The following SLC2A9 variants were observed in gnomAD, a reference collection of about 807,000 sequenced individuals.
SLC2A9 encodes solute carrier family 2, facilitated glucose transporter member 9.
SLC2A9 carries 39 observed loss-of-function variants against 50.6 expected under a neutral mutation model. The ratio of observed to expected loss-of-function variants is 0.77; its 90% CI spans 0.60 to 1.01. The LOEUF is 1.01. Among genes scored for constraint, SLC2A9 ranks in the 50% least tolerant of loss-of-function variants. The pLI, the probability that SLC2A9 is intolerant of heterozygous loss-of-function variation, is 0.00. For missense variants in SLC2A9, 686 were observed against 677.6 expected, an observed-to-expected ratio of 1.01 and a Z score of -0.14; for synonymous variants, 324 against 276.9, an observed-to-expected ratio of 1.17 and a Z score of -1.69.
At chr4:9,777,977 G>A (rs1318796879), downstream of SLC2A9, among the ~76,000 whole-genome samples, 1 of 152,180 alleles carries the variant, frequency 6.6e-6, no homozygotes, top group Non-Finnish European at 1.5e-5. Context: ...GCAGTCTCAT[G>A]TTCAGTAGAC....
At chr4:9,983,821 A>G (rs7660895) in intron 4 of SLC2A9, among the ~76,000 whole-genome samples, 102,834 of 152,128 alleles carry the variant, frequency 0.68, 35,248 homozygotes, top group Non-Finnish European at 0.74. Context: ...GTTTTTAAAT[A>G]CATCAAACCT....
intron 10 of SLC2A9, among the ~76,000 whole-genome samples, chr4:9,843,331 T>C (rs986194603): frequency 6.6e-6 from 1 of 152,122 alleles, no homozygotes; most frequent in Non-Finnish European, 1.5e-5. Flanking sequence ...ATAACAACAG[T>C]GAAGAAAATG....
At position 9,826,614 on chromosome 4, in the gene SLC2A9, G is replaced by A. The variant is rs1725173788; in HGVS notation, c.1420-14C>T. The A allele has an allele frequency of 6.2e-7, 1 of 1,612,512 alleles. No individual in the cohort carries two copies. Among genetic ancestry groups the A allele is most frequent in the Admixed American group, 1.7e-5 (1 of 59,978 alleles). On this transcript the variant is annotated splice_polypyrimidine_tract_variant and intron_variant, in intron 11 of 11. Coordinates refer to ENST00000264784, the MANE Select transcript of SLC2A9 (RefSeq NM_020041.3). ...GTCCAGACTTTTCTGTGGAAAGGCA[G>A]AGACAAAAACCCTCAAATAGATAAT...
At chr4:9,791,012 G>C (rs1474166877) in intron 3 of SLC2A9, among the ~76,000 whole-genome samples, 1 of 152,168 alleles carries the variant, frequency 6.6e-6, no homozygotes, top group Non-Finnish European at 1.5e-5. Flanking sequence ...TATAGTCTTT[G>C]TGGTTGATGG....
chr4:9,955,109 G>A (rs1434353627), intron 5 of SLC2A9, among the ~76,000 whole-genome samples: 1 of 152,174 alleles, frequency 6.6e-6, no homozygotes, highest in Admixed American at 6.5e-5. Flanking sequence ...CCCCTCCTAA[G>A]TGCTGGCAGG....
intron 5 of SLC2A9, among the ~76,000 whole-genome samples, chr4:9,975,735 T>A (rs1037324132): frequency 6.6e-6 from 1 of 152,182 alleles, no homozygotes; most frequent in Non-Finnish European, 1.5e-5. Flanking sequence ...GACCCAGCAA[T>A]CCCATTATTG....
chr4:9,983,879 T>C (rs1756288443), intron 4 of SLC2A9, among the ~76,000 whole-genome samples: 3 of 152,186 alleles, frequency 2.0e-5, no homozygotes, highest in Admixed American at 2.0e-4. Flanking sequence ...AGTGAGAGCA[T>C]TCAGGCAGTC....
At chr4:10,039,671 G>A (rs978523886) in intron 1 of SLC2A9, among the ~76,000 whole-genome samples, 1 of 152,114 alleles carries the variant, frequency 6.6e-6, no homozygotes, top group African/African-American at 2.4e-5. Context: ...CCTGGTCCAA[G>A]CCCTTGTCTT....
intron 7 of SLC2A9, among the ~76,000 whole-genome samples, chr4:9,916,726 C>G (rs949764430): frequency 3.9e-5 from 6 of 152,124 alleles, no homozygotes; most frequent in Non-Finnish European, 8.8e-5. Flanking sequence ...AGGGTCATCC[C>G]AAGTAGATAA....
intron 6 of SLC2A9, among the ~76,000 whole-genome samples, chr4:9,930,868 T>C (rs891362813): frequency 5.9e-5 from 9 of 152,136 alleles, no homozygotes; most frequent in Admixed American, 2.6e-4. Context: ...TGACCACCTG[T>C]CAATCATATT....
intron 11 of SLC2A9, 114 bp from the exon 12 acceptor site, chr4:9,826,714 A>G: frequency 1.1e-6 from 1 of 937,010 alleles, no homozygotes; most frequent in Non-Finnish European, 1.7e-6. Context: ...ATACTCCTAG[A>G]CAAAACACCA....
intron 3 of SLC2A9, among the ~76,000 whole-genome samples, chr4:9,811,105 C>T (rs1722832629): frequency 6.6e-6 from 1 of 151,926 alleles, no homozygotes; most frequent in Non-Finnish European, 1.5e-5. Flanking sequence ...CCAAGCTGGC[C>T]AATCAGAGGA....
At chr4:10,010,278 A>G (rs906690005) in intron 2 of SLC2A9, among the ~76,000 whole-genome samples, 1 of 152,192 alleles carries the variant, frequency 6.6e-6, no homozygotes, top group Non-Finnish European at 1.5e-5. Flanking sequence ...AGAACACCAG[A>G]GCTGGAATCC....
At chr4:9,930,919 G>A (rs1209412804) in intron 6 of SLC2A9, among the ~76,000 whole-genome samples, 3 of 152,178 alleles carry the variant, frequency 2.0e-5, no homozygotes, top group African/African-American at 7.2e-5. Context: ...ATGAACAACA[G>A]GGTCTCTAAA....
At chr4:9,998,732 G>A (rs78002041) in intron 2 of SLC2A9, among the ~76,000 whole-genome samples, 1,580 of 152,310 alleles carry the variant, frequency 0.01, 18 homozygotes, top group Admixed American at 0.015. Flanking sequence ...AATAACTCCA[G>A]ACGAGAAACA....
At position 9,900,407 on chromosome 4, in the gene SLC2A9, T is replaced by A. The variant is rs559901083; in HGVS notation, c.1113+7828A>T. On this transcript the variant is annotated intron_variant, in intron 8 of 11. Coordinates refer to ENST00000264784, the MANE Select transcript of SLC2A9 (RefSeq NM_020041.3). ...AGGGTGAGCTGCAGGAACGGACTTGTGGGTATGTCCTTGGCCAAACTCAAA... is the reference window on the plus strand; with the variant it reads ...AGGGTGAGCTGCAGGAACGGACTTGAGGGTATGTCCTTGGCCAAACTCAAA... Among the ~76,000 whole-genome samples, 27 of 151,696 alleles carry A rather than the reference T, an allele frequency of 1.8e-4. No homozygotes were observed. In the South Asian group the frequency reaches 5.2e-3, roughly 29 times the overall value.
Position 9,985,651 on chromosome 4 carries a change from G to A in SLC2A9, c.535+18C>T, listed in dbSNP as rs558959337. 80 of 1,613,890 alleles carry A rather than the reference G, an allele frequency of 5.0e-5. No individual in the cohort carries two copies. Among genetic ancestry groups the A allele is most frequent in the Admixed American group, 1.2e-4 (7 of 60,002 alleles). ...AGGAGTATGTTACTGTTCCCTCCCC[G>A]TCATGGTGAACTCTCACCTCCATCT... On this transcript the variant is annotated intron_variant, in intron 4 of 11. Coordinates refer to ENST00000264784, the MANE Select transcript of SLC2A9 (RefSeq NM_020041.3).
At chr4:9,925,437 G>C (rs1203834353) in intron 6 of SLC2A9, among the ~76,000 whole-genome samples, 3 of 152,210 alleles carry the variant, frequency 2.0e-5, no homozygotes, top group Non-Finnish European at 4.4e-5. Context: ...AAGGGATGCT[G>C]TGTTACTGTG....
rs375778790 is a variant in SLC2A9, at chr4:9,785,980, G to T, written n.386-5915C>A. Among the ~76,000 whole-genome samples, 17 of 152,278 alleles carry T rather than the reference G, an allele frequency of 1.1e-4. No homozygotes were observed. In the East Asian group the frequency reaches 3.3e-3, roughly 29 times the overall value. On this transcript the variant is annotated intron_variant and non_coding_transcript_variant, in intron 3 of 3. Coordinates refer to the SLC2A9 transcript ENST00000503803. The stretch of plus-strand genomic sequence containing the variant: ...TGAAGAGAGACCTTGACGAAGTAAG[G>T]GTTGGAGGGCTGCTAATGTCTGGGA...
Sources: allele counts gnomAD v4.1 joint callset (sites outside exome capture counted in the v4.1 genomes callset), GRCh38; gene constraint gnomAD v4.1.1; transcripts MANE v1.5; gene names NCBI Gene and HGNC (gene_info 2026-07-23, HGNC 2026-07-21).